The following ERBB4 variants were observed in gnomAD, a reference collection of about 807,000 sequenced individuals.
ERBB4 encodes erb-b2 receptor tyrosine kinase 4.
A neutral mutation model predicts 158.0 loss-of-function variants in ERBB4; 42 were observed. The ratio of observed to expected loss-of-function variants is 0.27; its 90% CI spans 0.21 to 0.34. The LOEUF is 0.34. Among genes scored for constraint, ERBB4 ranks in the 10% least tolerant of loss-of-function variants. The pLI, the probability that ERBB4 is intolerant of heterozygous loss-of-function variation, is 1.00. For synonymous variants in ERBB4, 583 were observed against 558.7 expected, an observed-to-expected ratio of 1.04 and a Z score of -0.61; for missense variants, 1,333 against 1,624.1, an observed-to-expected ratio of 0.82 and a Z score of 3.08.
chr2:212,004,114 T>C (rs1372473188), intron 2 of ERBB4, among the ~76,000 whole-genome samples: 1 of 152,086 alleles, frequency 6.6e-6, no homozygotes, highest in Non-Finnish European at 1.5e-5. Context: ...TTTATGATAA[T>C]AGATAAAATA....
intron 11 of ERBB4, 24 bp downstream of exon 11, chr2:211,704,080 G>A (rs760198059): frequency 1.4e-5 from 19 of 1,319,672 alleles, no homozygotes; most frequent in Non-Finnish European, 2.0e-5. Flanking sequence ...TGTGAGCCCT[G>A]CAGCTTTAAA....
At chr2:212,344,771 TGTCTAAGA>T (rs1052345161) in intron 1 of ERBB4, among the ~76,000 whole-genome samples, 54 of 152,190 alleles carry the variant, frequency 3.5e-4, no homozygotes, top group African/African-American at 1.3e-3. Flanking sequence ...AACAGTAGAG[TGTCTAAGA>T]GTCTAAGAGC....
At chr2:211,547,293 T>C (rs532660930) in intron 20 of ERBB4, among the ~76,000 whole-genome samples, 2 of 152,256 alleles carry the variant, frequency 1.3e-5, no homozygotes, top group East Asian at 3.9e-4. Flanking sequence ...AAATTGGTTG[T>C]GATCAATTGT....
At chr2:212,445,992 T>G (rs953656836) in intron 1 of ERBB4, among the ~76,000 whole-genome samples, 5 of 152,264 alleles carry the variant, frequency 3.3e-5, no homozygotes, top group Non-Finnish European at 7.3e-5. Flanking sequence ...TCCTTTATCA[T>G]GTGACATAAG....
At chr2:212,221,709 T>G (rs540318874) in intron 1 of ERBB4, among the ~76,000 whole-genome samples, 1 of 151,562 alleles carries the variant, frequency 6.6e-6, no homozygotes, top group African/African-American at 2.4e-5. Context: ...ATCCTAAATT[T>G]TATCATAAAA....
At chr2:212,201,888 T>A (rs1220857697) in intron 1 of ERBB4, among the ~76,000 whole-genome samples, 1 of 152,208 alleles carries the variant, frequency 6.6e-6, no homozygotes, top group East Asian at 1.9e-4. Context: ...ATTCCTTTTG[T>A]TTTGTTGGCA....
intron 3 of ERBB4, among the ~76,000 whole-genome samples, chr2:211,791,679 T>C (rs1344936689): frequency 6.6e-6 from 1 of 151,882 alleles, no homozygotes; most frequent in African/African-American, 2.4e-5. Context: ...CTTATCATAT[T>C]ATACACAAAT....
intron 2 of ERBB4, among the ~76,000 whole-genome samples, chr2:212,112,517 A>G (rs2079443151): frequency 6.6e-6 from 1 of 152,050 alleles, no homozygotes; most frequent in African/African-American, 2.4e-5. Flanking sequence ...TTAAGTAACA[A>G]ATGGGTCATT....
chr2:211,544,701 CAT>C (rs1295769807), intron 20 of ERBB4, among the ~76,000 whole-genome samples: 5 of 152,134 alleles, frequency 3.3e-5, no homozygotes, highest in Non-Finnish European at 2.9e-5. Context: ...CTCATTTAAA[CAT>C]ATAATAGTAT....
At chr2:211,661,242 T>C (rs926588705) in intron 15 of ERBB4, among the ~76,000 whole-genome samples, 1 of 152,236 alleles carries the variant, frequency 6.6e-6, no homozygotes, top group South Asian at 2.1e-4. Context: ...AAAATATGTA[T>C]ATTGTTTTTC....
intron 3 of ERBB4, among the ~76,000 whole-genome samples, chr2:211,869,798 TA>T (rs2078297731): frequency 6.6e-6 from 1 of 152,172 alleles, no homozygotes; most frequent in Non-Finnish European, 1.5e-5. Context: ...ATTATATTGA[TA>T]TTTTTAACAT....
chr2:212,177,664 T>C (rs1418229706), intron 1 of ERBB4, among the ~76,000 whole-genome samples: 1 of 151,826 alleles, frequency 6.6e-6, no homozygotes, highest in Non-Finnish European at 1.5e-5. Context: ...CAGCTGTTCA[T>C]TCATTCTTTC....
At chr2:212,041,077 C>G (rs1391909640) in intron 2 of ERBB4, among the ~76,000 whole-genome samples, 1 of 151,996 alleles carries the variant, frequency 6.6e-6, no homozygotes, top group Non-Finnish European at 1.5e-5. Flanking sequence ...GACCAAGTTA[C>G]TTAACCTCTC....
chr2:211,858,139 A>C (rs1263751540), intron 3 of ERBB4, among the ~76,000 whole-genome samples: 2 of 152,186 alleles, frequency 1.3e-5, no homozygotes, highest in Non-Finnish European at 2.9e-5. Context: ...AGGTGAGAAG[A>C]AAGAGAGTGT....
In ERBB4 at chr2:212,325,835, G is replaced by C. The variant is rs78918747; in HGVS notation, c.83-200932C>G. Among the ~76,000 whole-genome samples, 1,243 of 150,488 alleles carry C rather than the reference G, an allele frequency of 8.3e-3. 56 individuals are homozygous for C. Among genetic ancestry groups the C allele is most frequent in the Middle Eastern group, 0.024 (7 of 292 alleles). ...TGCACTTTTGGGTTGGGGGAGAGGTGTATACTGACAAACAAATATAGGAAA... is the reference window on the plus strand; with the variant it reads ...TGCACTTTTGGGTTGGGGGAGAGGTCTATACTGACAAACAAATATAGGAAA... On this transcript the variant is annotated intron_variant, in intron 1 of 27. Transcript: ENST00000342788.
intron 1 of ERBB4, among the ~76,000 whole-genome samples, chr2:212,185,129 T>C (rs1277718398): frequency 6.6e-6 from 1 of 151,962 alleles, no homozygotes; most frequent in Non-Finnish European, 1.5e-5. Context: ...AAAGTGGTTC[T>C]GATGCCTGTG....
chr2:211,769,601 T>G (rs141312727), intron 4 of ERBB4, among the ~76,000 whole-genome samples: 21 of 152,246 alleles, frequency 1.4e-4, no homozygotes, highest in Non-Finnish European at 2.6e-4. Flanking sequence ...CCAGTGTAAA[T>G]CAGCCTGAGT....
chr2:211,722,689 T>C (rs2074142250), intron 6 of ERBB4, among the ~76,000 whole-genome samples, 155 bp from the exon 7 acceptor site: 1 of 152,246 alleles, frequency 6.6e-6, no homozygotes. Context: ...CAAAATTTCA[T>C]AAAACTCTTT....
chr2:211,383,764 G>T lies in ERBB4; in HGVS notation c.3778C>A (p.Gln1260Lys), dbSNP rs2062623180. The T allele has an allele frequency of 6.2e-7, 1 of 1,613,990 alleles. No homozygotes were observed. Among genetic ancestry groups the T allele is most frequent in the African/African-American group, 1.3e-5 (1 of 74,916 alleles). ...RSTLQHPDYL[Q>K]EYSTKYFYKQ... Reference sequence around the variant, plus strand: ...TAAAAATATTTTGTGCTGTACTCCTGCAGGTAGTCTGGGTGCTGAAGGGTG... The same window carrying T: ...TAAAAATATTTTGTGCTGTACTCCTTCAGGTAGTCTGGGTGCTGAAGGGTG... Residue 1260 changes from glutamine to lysine, a missense_variant, in exon 28 of 28, where the codon CAG (glutamine) becomes AAG (lysine). Coordinates refer to ENST00000342788, the MANE Select transcript of ERBB4 (RefSeq NM_005235.3).
Sources: allele counts gnomAD v4.1 joint callset (sites outside exome capture counted in the v4.1 genomes callset), GRCh38; gene constraint gnomAD v4.1.1; transcripts MANE v1.5; gene names NCBI Gene and HGNC (gene_info 2026-07-23, HGNC 2026-07-21).